Variants in CFAP74 observed in about 807,000 individuals in gnomAD.
CFAP74 encodes the protein cilia and flagella associated protein 74, also known as cilia- and flagella-associated protein 74.
CFAP74 carries 124 observed loss-of-function variants against 188.9 expected under a neutral mutation model. That is an observed-to-expected ratio of 0.66 (90% confidence interval 0.57 to 0.76). CFAP74 has a LOEUF of 0.76. CFAP74 is among the 30% of genes least tolerant of loss of function. The pLI is 0.00. For synonymous variants in CFAP74, 956 were observed against 916.7 expected, an observed-to-expected ratio of 1.04 and a Z score of -0.77; for missense variants, 2,198 against 2,165.2, an observed-to-expected ratio of 1.02 and a Z score of -0.30.
At chr1:1,957,791 C>T (rs1207112144) in intron 16 of CFAP74, among the ~76,000 whole-genome samples, 2 of 152,138 alleles carry the variant, frequency 1.3e-5, no homozygotes, top group Non-Finnish European at 2.9e-5. Context: ...CTTCCTGCTG[C>T]CCCTGGCCCT....
rs778809476 is a variant in CFAP74, at chr1:1,985,371, T to C, written c.500+15A>G. The stretch of plus-strand genomic sequence containing the variant: ...GGGCCTGCCTGCTGCCAGTCCCGGC[T>C]GCACACCGACTCACTCGCTCTCCTT... On this transcript the variant is annotated intron_variant, in intron 6 of 38. Coordinates refer to ENST00000682832, the MANE Select transcript of CFAP74 (RefSeq NM_001304360.2). The C allele has an allele frequency of 2.5e-6, 4 of 1,605,000 alleles. No individual in the cohort carries two copies. The South Asian group carries it at 3.3e-5, about 13-fold the overall frequency.
At chr1:1,979,560 G>A (rs1656686894) in intron 6 of CFAP74, among the ~76,000 whole-genome samples, 1 of 138,180 alleles carries the variant, frequency 7.2e-6, no homozygotes, top group Non-Finnish European at 1.6e-5. Context: ...GGCGTGGGAA[G>A]GTGTCACGTG....
At chr1:1,959,591 G>A (rs186573016) in intron 15 of CFAP74, among the ~76,000 whole-genome samples, 79 of 152,318 alleles carry the variant, frequency 5.2e-4, no homozygotes, top group African/African-American at 1.8e-3. Context: ...CCTGTTACAT[G>A]TGCCGTGGCT....
chr1:1,932,098 A>AAAAAAC (rs1557993372), intron 25 of CFAP74, among the ~76,000 whole-genome samples: 4 of 123,410 alleles, frequency 3.2e-5, no homozygotes, highest in African/African-American at 1.1e-4. Flanking sequence ...AAAAAACAAA[A>AAAAAAC]AACTTAGAAA....
rs866563169 is a variant in CFAP74, at chr1:1,926,311, C to A, written c.3865G>T (p.Val1289Phe). 6 of 1,547,370 alleles carry A rather than the reference C, an allele frequency of 3.9e-6. No individual in the cohort carries two copies. The highest frequency in any genetic ancestry group is 5.2e-6 in the Non-Finnish European group (6 of 1,145,302). The change falls in exon 32 of 39, where the codon GTC becomes TTC. Residue 1289 changes from valine to phenylalanine, a missense_variant. By Grantham distance (50) the Val-to-Phe change is conservative. Transcript: ENST00000682832. The part of the protein sequence containing the change: ...FSLLNPNGPF[V>F]LLNHSSLLRA... ...AGCAGGCTGGAGTGGTTCAGCAGGA[C>A]AAAGGGGCCGTTGGGGTTCAGCAGG... is the stretch of plus-strand genomic sequence containing the variant.
chr1:1,970,676 C>T lies in CFAP74; in HGVS notation c.1029G>A (p.Glu343=). 1 of 1,610,734 alleles carries T rather than the reference C, an allele frequency of 6.2e-7. No individual in the cohort carries two copies. Among genetic ancestry groups the T allele is most frequent in the Non-Finnish European group, 8.5e-7 (1 of 1,178,654 alleles). ...RHLVHQRRRQ[E]LEAQKRAFEE... is the part of the protein sequence containing the mutation. ...ACCCTCACCTCTTCTGGGCCTCCAGCTCCTGGCGCCGGCGCTGGTGGACAA... is the reference window on the plus strand; with the variant it reads ...ACCCTCACCTCTTCTGGGCCTCCAGTTCCTGGCGCCGGCGCTGGTGGACAA... The change falls in exon 10 of 39, where the codon GAG becomes GAA. Residue 343 remains glutamate (E), a synonymous_variant. Transcript: ENST00000682832.
In CFAP74 at chr1:1,986,959, T is replaced by C. The variant is rs1657277734; in HGVS notation, c.373A>G (p.Thr125Ala). ...TACATGTTGCCCGCCTCTTCCTCTG[T>C]GGCGATCTCGGCTGCCACAGCCTCC... The part of the protein sequence containing the change: ...QQEAVAAEIA[T>A]EEEAGNMAAV... Residue 125 changes from threonine (T) to alanine (A), a missense_variant, in exon 5 of 39, where the codon ACA becomes GCA. By Grantham distance (58) the Thr-to-Ala change is moderately conservative (BLOSUM62 0). Transcript: ENST00000682832. 2 of 1,601,906 alleles carry C rather than the reference T, an allele frequency of 1.2e-6. No individual in the cohort carries two copies. Among genetic ancestry groups the C allele is most frequent in the Non-Finnish European group, 8.5e-7 (1 of 1,179,686 alleles).
intron 1 of CFAP74, among the ~76,000 whole-genome samples, chr1:2,000,031 G>A (rs1179841433): frequency 1.3e-5 from 2 of 152,078 alleles, no homozygotes; most frequent in Non-Finnish European, 2.9e-5. Flanking sequence ...CAGGTGTGGT[G>A]CAGGCGCCTG....
intron 25 of CFAP74, among the ~76,000 whole-genome samples, chr1:1,932,743 C>T (rs1570837455): frequency 6.6e-6 from 1 of 151,680 alleles, no homozygotes; most frequent in African/African-American, 2.4e-5. Context: ...CAGGCACCCA[C>T]CACCACACCT....
At chr1:1,946,774 C>A (rs547303231) in intron 19 of CFAP74, among the ~76,000 whole-genome samples, 2 of 152,216 alleles carry the variant, frequency 1.3e-5, no homozygotes, top group East Asian at 3.9e-4. Flanking sequence ...CTGTGGCTTG[C>A]GTCCTGCACA....
chr1:1,926,158 G>A, intron 32 of CFAP74, 70 bp downstream of exon 32: 4 of 1,457,606 alleles, frequency 2.7e-6, no homozygotes, highest in Non-Finnish European at 3.6e-6. Flanking sequence ...GCCCGCCCCG[G>A]CCAGTGCCTT....
In CFAP74 at chr1:1,930,006, T is replaced by C. The variant is rs1003329025; in HGVS notation, c.3288+54A>G. On this transcript the variant is annotated intron_variant, in intron 26 of 38. Coordinates refer to ENST00000682832, the MANE Select transcript of CFAP74 (RefSeq NM_001304360.2). ...CAGAGCCAGACACCCCAGGGGTAAA[T>C]GCAGGTGGCGTGGAGCTCCTGCTTC... is the stretch of plus-strand genomic sequence containing the variant. 5.5e-6 allele frequency: 8 copies of C among 1,466,988 alleles called. 1 individual carries two copies. In the Admixed American group the frequency reaches 1.7e-4, roughly 31 times the overall value. The allele number at this position is 1,466,988 out of a possible 1,614,324, so 90.9% of individuals were successfully genotyped here. A position where few individuals can be genotyped will look rare whatever the true frequency, so the allele number is the denominator to read the frequency against.
In CFAP74 at chr1:1,942,698, C is replaced by G. The variant is rs1414812889; in HGVS notation, c.2487-542G>C. 6.6e-6 allele frequency among the ~76,000 whole-genome samples: 1 copy of G among 152,208 alleles called. No individual in the cohort carries two copies. Among genetic ancestry groups the G allele is most frequent in the Non-Finnish European group, 1.5e-5 (1 of 68,024 alleles). ...GGCCATGCGTCTGTCCGGTCCCTACCTCCGGCTCCCTTAAGCCAACGGCCT... is the reference window on the plus strand; with the variant it reads ...GGCCATGCGTCTGTCCGGTCCCTACGTCCGGCTCCCTTAAGCCAACGGCCT... On this transcript the variant is annotated intron_variant, in intron 21 of 38. Coordinates refer to ENST00000682832, the MANE Select transcript of CFAP74 (RefSeq NM_001304360.2). The surrounding 1 kb of genome is among the most constrained non-coding windows in gnomAD (Gnocchi z 4.3).
At chr1:1,925,631 G>A (rs1445042816) in intron 33 of CFAP74, 152 bp downstream of exon 33, 16 of 772,302 alleles carry the variant, frequency 2.1e-5, no homozygotes, top group Non-Finnish European at 3.0e-5. Flanking sequence ...CGGCAGAGGC[G>A]GCAGCTGTGT....
chr1:1,944,541 C>T (rs890826741), intron 20 of CFAP74, 89 bp from the exon 21 acceptor site: 150 of 1,370,532 alleles, frequency 1.1e-4, no homozygotes, highest in Admixed American at 8.7e-4. Flanking sequence ...CCAGGAGGAA[C>T]GTTTCATGGG....
At chr1:1,955,317 G>A (rs9778194) in intron 18 of CFAP74, 530 of 1,304,656 alleles carry the variant, frequency 4.1e-4, no homozygotes, top group African/African-American at 3.1e-3. Context: ...ACCTCTCCCC[G>A]CTGGTGCGCG....
chr1:1,970,833 ACT>A lies in CFAP74; in HGVS notation c.889-19_889-18del. 1 of 1,613,320 alleles carries A rather than the reference ACT, an allele frequency of 6.2e-7. No homozygotes were observed. The highest frequency in any genetic ancestry group is 8.5e-7 in the Non-Finnish European group (1 of 1,179,528). On this transcript the variant is annotated intron_variant, in intron 9 of 38. Coordinates refer to ENST00000682832, the MANE Select transcript of CFAP74 (RefSeq NM_001304360.2). ...CAGTGTGTCCTTGGAAACAGAGAGC[ACT>A]GAGATGACAGCAGCAGCACCCACGG...
chr1:1,968,383 C>T lies in CFAP74; in HGVS notation c.1245+252G>A, dbSNP rs145407243. On this transcript the variant is annotated intron_variant, in intron 11 of 38. Transcript: ENST00000682832. The surrounding 1 kb of genome is among the most constrained non-coding windows in gnomAD (Gnocchi z 4.3). ...GTGACGCAGGGTCTGGTGGGCACAC[C>T]GAGACCAGGAGGACACTGGACCCTT... is the stretch of plus-strand genomic sequence containing the variant. Among the ~76,000 whole-genome samples the T allele has an allele frequency of 8.2e-3, 1,246 of 152,210 alleles. 6 individuals are homozygous for T. Among genetic ancestry groups the T allele is most frequent in the Non-Finnish European group, 0.012 (849 of 67,982 alleles).
chr1:1,933,716 T>C (rs1024570749), intron 25 of CFAP74, among the ~76,000 whole-genome samples: 1 of 152,240 alleles, frequency 6.6e-6, no homozygotes, highest in African/African-American at 2.4e-5. Flanking sequence ...TTTTATTAAA[T>C]TGTACAAGAA....
Sources: allele counts gnomAD v4.1 joint callset (sites outside exome capture counted in the v4.1 genomes callset), GRCh38; gene constraint gnomAD v4.1.1; non-coding constraint Gnocchi (gnomAD v3.1); transcripts MANE v1.5; gene names NCBI Gene and HGNC (gene_info 2026-07-23, HGNC 2026-07-21).